The following MXRA7 variants were observed in gnomAD, a reference collection of about 807,000 sequenced individuals.
MXRA7 encodes the protein matrix remodeling associated 7, also known as matrix-remodeling-associated protein 7.
In MXRA7, 18 loss-of-function variants were observed where a neutral mutation model predicts 17.4. The ratio of observed to expected loss-of-function variants is 1.03; its 90% CI spans 0.71 to 1.53. MXRA7 has a LOEUF of 1.53. Among genes scored for constraint, MXRA7 ranks in the 40% most tolerant of loss-of-function variants. The pLI is 0.00. For missense variants in MXRA7, 141 were observed against 209.3 expected, an observed-to-expected ratio of 0.67 and a Z score of 2.01; for synonymous variants, 70 against 101.7, an observed-to-expected ratio of 0.69 and a Z score of 1.87.
chr17:76,693,183 G>C (rs866264583), intron 1 of MXRA7, among the ~76,000 whole-genome samples: 24 of 152,136 alleles, frequency 1.6e-4, no homozygotes, highest in Admixed American at 1.2e-3. Context: ...TGAAATAAAA[G>C]ACAAGGCTGG....
chr17:76,688,445 G>A (rs1567981961), intron 1 of MXRA7: 1 of 1,359,116 alleles, frequency 7.4e-7, no homozygotes, highest in East Asian at 2.9e-5. Context: ...TCCCAGGTGG[G>A]TGCCTGTTGA....
downstream of MXRA7, chr17:76,679,563 C>G: frequency 1.0e-6 from 1 of 975,432 alleles, no homozygotes; most frequent in Non-Finnish European, 1.2e-6. Flanking sequence ...AAAAAACACA[C>G]AGTAATTGAG....
At chr17:76,709,095 T>C (rs1415448027) in intron 1 of MXRA7, among the ~76,000 whole-genome samples, 1 of 152,138 alleles carries the variant, frequency 6.6e-6, no homozygotes, top group African/African-American at 2.4e-5. Flanking sequence ...TTAAGCGCTG[T>C]GCCCCACAGG....
chr17:76,681,785 A>C lies in MXRA7; in HGVS notation c.501-906T>G, dbSNP rs528467421. Among the ~76,000 whole-genome samples the C allele has an allele frequency of 6.6e-6, 1 of 152,330 alleles. No individual in the cohort carries two copies. Among genetic ancestry groups the C allele is most frequent in the South Asian group, 2.1e-4 (1 of 4,830 alleles). ...CTTTCTCCTGCCAAGCTGTGAAGCC[A>C]GCCAAGCCCTGCCAGCTTCCCTAGC... is the stretch of plus-strand genomic sequence containing the variant. On this transcript the variant is annotated intron_variant, in intron 3 of 3. Coordinates refer to ENST00000449428, the MANE Select transcript of MXRA7 (RefSeq NM_198530.4). The surrounding 1 kb of genome is among the most constrained non-coding windows in gnomAD (Gnocchi z 4.7).
chr17:76,709,547 C>G (rs1011608401), intron 1 of MXRA7: 3 of 152,960 alleles, frequency 2.0e-5, no homozygotes, highest in East Asian at 1.9e-4. Context: ...TCCTCCTCCC[C>G]CGAAGGGCTT....
chr17:76,683,461 A>G (rs960782092), intron 3 of MXRA7, among the ~76,000 whole-genome samples: 21 of 152,190 alleles, frequency 1.4e-4, no homozygotes, highest in African/African-American at 3.9e-4. Context: ...TCTGCTGTGC[A>G]CTGTGCAGAA....
chr17:76,700,827 GC>G (rs1385038443), intron 1 of MXRA7, among the ~76,000 whole-genome samples: 8 of 152,200 alleles, frequency 5.3e-5, no homozygotes, highest in Non-Finnish European at 1.0e-4. Flanking sequence ...GAGTGGGCGG[GC>G]GGCAGGCGGG....
chr17:76,678,020 T>C (rs984117580), downstream of MXRA7, among the ~76,000 whole-genome samples: 1 of 152,142 alleles, frequency 6.6e-6, no homozygotes, highest in Non-Finnish European at 1.5e-5. Flanking sequence ...GTTGACTGCA[T>C]GTCCCACAGT....
intron 1 of MXRA7, among the ~76,000 whole-genome samples, chr17:76,702,270 G>A (rs1015718129): frequency 6.6e-6 from 1 of 152,194 alleles, no homozygotes; most frequent in Non-Finnish European, 1.5e-5. Context: ...GCCTCAGGAG[G>A]CAGAGGCAGG....
chr17:76,709,162 G>A (rs959270932), intron 1 of MXRA7, among the ~76,000 whole-genome samples: 1 of 152,192 alleles, frequency 6.6e-6, no homozygotes, highest in Admixed American at 6.5e-5. Flanking sequence ...CCAGAGCCTG[G>A]TGTGGGTGAT....
At chr17:76,700,218 C>G (rs1158575449) in intron 1 of MXRA7, among the ~76,000 whole-genome samples, 1 of 152,084 alleles carries the variant, frequency 6.6e-6, no homozygotes, top group Non-Finnish European at 1.5e-5. Flanking sequence ...GTGATCTGCT[C>G]GCCTCAGCCT....
intron 2 of MXRA7, among the ~76,000 whole-genome samples, 166 bp downstream of exon 2, chr17:76,687,947 C>A (rs1055661673): frequency 1.3e-5 from 2 of 152,112 alleles, no homozygotes; most frequent in African/African-American, 4.8e-5. Flanking sequence ...CAGGCCAGGG[C>A]AGGACATCCA....
intron 1 of MXRA7, among the ~76,000 whole-genome samples, chr17:76,710,226 G>A (rs1452750444): frequency 6.6e-6 from 1 of 152,210 alleles, no homozygotes; most frequent in Non-Finnish European, 1.5e-5. Flanking sequence ...ACAGGCACGT[G>A]GATTTGGGAA....
At chr17:76,692,213 C>CAA (rs34545186) in intron 1 of MXRA7, among the ~76,000 whole-genome samples, 96 of 140,322 alleles carry the variant, frequency 6.8e-4, no homozygotes, top group Non-Finnish European at 8.3e-4. Flanking sequence ...ACCCTGTCAC[C>CAA]AAAAGAAAAA....
At chr17:76,675,670 T>C (rs1246699156), downstream of MXRA7, 1 of 152,180 alleles carries the variant, frequency 6.6e-6, no homozygotes, top group Non-Finnish European at 1.5e-5. Flanking sequence ...GGTTAAATGC[T>C]TTTGACAAAA....
intron 1 of MXRA7, among the ~76,000 whole-genome samples, chr17:76,707,874 T>C (rs1316190283): frequency 6.6e-6 from 1 of 152,218 alleles, no homozygotes; most frequent in Non-Finnish European, 1.5e-5. Context: ...TTGACTTCGT[T>C]GGCTCATGAT....
chr17:76,683,893 G>A, intron 3 of MXRA7: 2 of 1,614,160 alleles, frequency 1.2e-6, no homozygotes, highest in South Asian at 2.2e-5. Flanking sequence ...TAAGGAACTT[G>A]CTACAGGGAA....
At chr17:76,705,345 A>G (rs910554236) in intron 1 of MXRA7, among the ~76,000 whole-genome samples, 8 of 152,336 alleles carry the variant, frequency 5.3e-5, no homozygotes, top group Admixed American at 4.6e-4. Context: ...CAGCCCTCCA[A>G]GGCATCTTCT....
chr17:76,683,451 T>C (rs1427434477), intron 3 of MXRA7, among the ~76,000 whole-genome samples: 1 of 152,188 alleles, frequency 6.6e-6, no homozygotes, highest in Non-Finnish European at 1.5e-5. Flanking sequence ...TCTCAGAGTA[T>C]CTGCTGTGCA....
Sources: gnomAD v4.1 joint callset for allele counts (sites outside exome capture counted in the v4.1 genomes callset) on GRCh38, gnomAD v4.1.1 for gene constraint, Gnocchi (gnomAD v3.1) non-coding constraint, MANE v1.5 for transcripts, NCBI Gene and HGNC (gene_info 2026-07-23, HGNC 2026-07-21) for gene names.